The following CEP78 variants were observed in gnomAD, a reference collection of about 807,000 sequenced individuals.
CEP78 encodes centrosomal protein of 78 kDa.
Under a neutral mutation model 81.2 loss-of-function variants are expected in CEP78, and 76 were observed. That is an observed-to-expected ratio of 0.94 (90% confidence interval 0.78 to 1.13). CEP78 has a LOEUF of 1.13. CEP78 is among the 50% of genes most tolerant of loss of function. The pLI is 0.00. For synonymous variants in CEP78, 293 were observed against 301.4 expected (o/e 0.97, Z 0.29); for missense variants, 918 against 846.8 (o/e 1.08, Z -1.04).
At chr9:78,269,609 A>G (rs1041727337) in intron 16 of CEP78, among the ~76,000 whole-genome samples, 2 of 152,206 alleles carry the variant, frequency 1.3e-5, no homozygotes, top group East Asian at 1.9e-4. Flanking sequence ...ATGGCAGAGA[A>G]TAAGTGTCCA....
At position 78,236,445 on chromosome 9, in the gene CEP78, C is replaced by T. The variant is rs2118044000; in HGVS notation, c.95C>T (p.Pro32Leu). 1 of 1,603,690 alleles carries T rather than the reference C, an allele frequency of 6.2e-7. No individual in the cohort carries two copies. The highest frequency in any genetic ancestry group is 8.5e-7 in the Non-Finnish European group (1 of 1,175,422). Reference sequence around the variant, plus strand: ...GCGCTGCAGAACTCGGTGCCGCTGCCCGCCGTGCGCGCCTGTCTCCGGGAG... The same window carrying T: ...GCGCTGCAGAACTCGGTGCCGCTGCTCGCCGTGCGCGCCTGTCTCCGGGAG... ...LCALQNSVPL[P>L]AVRACLREGV... The change falls in exon 1 of 17, where the codon CCC becomes CTC. Residue 32 changes from proline to leucine, a missense_variant. By Grantham distance (98) the Pro-to-Leu change is moderately conservative. Coordinates refer to ENST00000643273, the MANE Select transcript of CEP78 (RefSeq NM_001330691.3).
chr9:78,247,607 T>G (rs1826555401), intron 6 of CEP78, among the ~76,000 whole-genome samples: 2 of 152,238 alleles, frequency 1.3e-5, no homozygotes, highest in South Asian at 4.2e-4. Flanking sequence ...GGGAGGATTT[T>G]GAGCTGGTAA....
At position 78,236,598 on chromosome 9, in the gene CEP78, A is replaced by T. The variant is rs761036809; in HGVS notation, c.248A>T (p.Asp83Val). The stretch of plus-strand genomic sequence containing the variant: ...AGCTTCTTCCAGCCCTGGCTGGGGG[A>T]CACAGGTTTGTAGTTCCCGCCTCCA... ...IKSFFQPWLG[D>V]TGSDMNKFCR... Residue 83 changes from aspartate (D) to valine (V), a missense_variant, in exon 1 of 17, where the codon GAC (aspartate) becomes GTC (valine). Asp to Val is a radical substitution (Grantham distance 152). Transcript: ENST00000643273. 3 of 1,537,846 alleles carry T rather than the reference A, an allele frequency of 2.0e-6. No homozygotes were observed. Among genetic ancestry groups the T allele is most frequent in the Non-Finnish European group, 2.6e-6 (3 of 1,144,222 alleles).
At chr9:78,242,083 G>A (rs1826259544) in intron 4 of CEP78, among the ~76,000 whole-genome samples, 1 of 152,106 alleles carries the variant, frequency 6.6e-6, no homozygotes, top group Non-Finnish European at 1.5e-5. Context: ...CTTTATAGTG[G>A]TTATTACTAC....
chr9:78,279,678 G>C lies in CEP78; in HGVS notation c.*8827G>C, dbSNP rs560866116. The stretch of plus-strand genomic sequence containing the variant: ...TGTCACCAACTATAATAAAAGAACA[G>C]AACTATGTATCAGAGAGGCTGCAGG... On this transcript the variant is annotated 3_prime_UTR_variant, in exon 17 of 17. Transcript: ENST00000643273. 35 of 152,308 alleles carry C rather than the reference G, an allele frequency of 2.3e-4. No individual in the cohort carries two copies. The highest frequency in any genetic ancestry group is 8.2e-4 in the African/African-American group (34 of 41,564). 9.4% of individuals were successfully genotyped at this position (152,308 alleles called of 1,614,324 possible). A position where few individuals can be genotyped will look rare whatever the true frequency, so the allele number is the denominator to read the frequency against.
Position 78,266,546 on chromosome 9 carries a change from A to G in CEP78, c.1950A>G (p.Gly650=), listed in dbSNP as rs773266031. 1.7e-5 allele frequency: 27 copies of G among 1,613,810 alleles called. No homozygotes were observed. The highest frequency in any genetic ancestry group is 2.1e-5 in the Non-Finnish European group (25 of 1,179,884). ...EGLGTSSNNL[G]VPATEQRQES... The stretch of plus-strand genomic sequence containing the variant: ...TAGGAACTTCCAGCAACAACCTAGG[A>G]GTCCCAGCTACTGAGCAGCGGCAGG... The change falls in exon 16 of 17, where the codon GGA becomes GGG. Residue 650 remains glycine, a synonymous_variant. Coordinates refer to ENST00000643273, the MANE Select transcript of CEP78 (RefSeq NM_001330691.3).
intron 11 of CEP78, among the ~76,000 whole-genome samples, chr9:78,257,788 A>G (rs1827107664): frequency 1.3e-5 from 2 of 152,230 alleles, no homozygotes; most frequent in South Asian, 4.1e-4. Flanking sequence ...GTGACCACCT[A>G]TCTAATTTGT....
intron 15 of CEP78, 80 bp from the exon 16 acceptor site, chr9:78,266,362 A>G: frequency 9.5e-7 from 1 of 1,047,478 alleles, no homozygotes; most frequent in Non-Finnish European, 1.4e-6. Context: ...AGATCACAGA[A>G]TAACATTGAC....
chr9:78,239,423 T>C (rs1055915001), intron 1 of CEP78, among the ~76,000 whole-genome samples: 8 of 152,230 alleles, frequency 5.3e-5, no homozygotes, highest in African/African-American at 1.9e-4. Context: ...AAATCTCAGC[T>C]GTGTTCTGTT....
At position 78,276,680 on chromosome 9, in the gene CEP78, G is replaced by A. The variant is rs1276980793; in HGVS notation, c.*5829G>A. Reference sequence around the variant, plus strand: ...ATAGACTCTCATCCACAATAGCTGCGAGAAGTAAATATTATCTAGAAATAA... The same window carrying A: ...ATAGACTCTCATCCACAATAGCTGCAAGAAGTAAATATTATCTAGAAATAA... On this transcript the variant is annotated 3_prime_UTR_variant, in exon 17 of 17. Coordinates refer to ENST00000643273, the MANE Select transcript of CEP78 (RefSeq NM_001330691.3). 1 of 151,936 alleles carries A rather than the reference G, an allele frequency of 6.6e-6. No homozygotes were observed. Among genetic ancestry groups the A allele is most frequent in the Admixed American group, 6.6e-5 (1 of 15,246 alleles). The allele number at this position is 151,936 out of a possible 1,614,324, so 9.4% of individuals were successfully genotyped here. A position where few individuals can be genotyped will look rare whatever the true frequency, so the allele number is the denominator to read the frequency against.
At chr9:78,265,342 GCCTTTT>G (rs755077016) in intron 13 of CEP78, 24 bp from the exon 14 acceptor site, 3 of 1,543,714 alleles carry the variant, frequency 1.9e-6, no homozygotes, top group Middle Eastern at 3.5e-4. Flanking sequence ...AGTAATCCTT[GCCTTTT>G]CCTCCTTTTC....
At chr9:78,246,427 G>C (rs902959478) in intron 5 of CEP78, among the ~76,000 whole-genome samples, 60 of 152,118 alleles carry the variant, frequency 3.9e-4, no homozygotes, top group African/African-American at 1.4e-3. Context: ...GTGAAACCCT[G>C]TCTCTACTAA....
At chr9:78,238,422 G>A (rs1278344390) in intron 1 of CEP78, among the ~76,000 whole-genome samples, 1 of 152,142 alleles carries the variant, frequency 6.6e-6, no homozygotes, top group Non-Finnish European at 1.5e-5. Context: ...GGTATTTGAA[G>A]GCATGGGAGG....
At chr9:78,266,122 C>A (rs1384854771) in intron 15 of CEP78, among the ~76,000 whole-genome samples, 2 of 151,910 alleles carry the variant, frequency 1.3e-5, no homozygotes, top group Non-Finnish European at 2.9e-5. Flanking sequence ...AAAACTCAGT[C>A]TACTTATAAA....
intron 5 of CEP78, among the ~76,000 whole-genome samples, 183 bp downstream of exon 5, chr9:78,243,819 C>CAA (rs35270879): frequency 3.4e-4 from 48 of 142,448 alleles, no homozygotes; most frequent in Non-Finnish European, 5.1e-4. Context: ...TACCAAGTAA[C>CAA]AAAAAAAAAA....
At position 78,248,791 on chromosome 9, in the gene CEP78, G is replaced by C. The variant is rs559801573; in HGVS notation, c.987G>C (p.Lys329Asn). 2.5e-6 allele frequency: 4 copies of C among 1,593,636 alleles called. No homozygotes were observed. The African/African-American group carries it at 5.4e-5, about 21-fold the overall frequency. Residue 329 changes from lysine (K) to asparagine (N), a missense_variant, in exon 8 of 17, where the codon AAG (lysine) becomes AAC (asparagine). Physicochemically the swap from Lys to Asn is moderately conservative, Grantham distance 94. Coordinates refer to ENST00000643273, the MANE Select transcript of CEP78 (RefSeq NM_001330691.3). ...EYQWITSPSV[K>N]EPSKTAKQKR... ...AGTGGATAACTTCTCCATCAGTGAA[G>C]GAACCATCCAAAACTGCTAAACAGA... is the stretch of plus-strand genomic sequence containing the variant.
intron 13 of CEP78, among the ~76,000 whole-genome samples, chr9:78,265,045 G>A (rs1017968090): frequency 6.6e-6 from 1 of 152,060 alleles, no homozygotes; most frequent in African/African-American, 2.4e-5. Flanking sequence ...AAGGTGAGAG[G>A]CAGTAGGTGT....
intron 1 of CEP78, among the ~76,000 whole-genome samples, chr9:78,239,016 A>T (rs1310873172): frequency 2.0e-5 from 3 of 151,976 alleles, no homozygotes; most frequent in Admixed American, 6.6e-5. Flanking sequence ...AAAATAAAAA[A>T]ACCAGGAACC....
intron 1 of CEP78, among the ~76,000 whole-genome samples, chr9:78,238,789 T>G (rs1226357495): frequency 1.3e-5 from 2 of 152,110 alleles, no homozygotes; most frequent in Non-Finnish European, 2.9e-5. Context: ...GTGCGGTGGC[T>G]CACACTGGTA....
Sources: gnomAD v4.1 joint callset for allele counts (sites outside exome capture counted in the v4.1 genomes callset) on GRCh38, gnomAD v4.1.1 for gene constraint, MANE v1.5 for transcripts, NCBI Gene and HGNC (gene_info 2026-07-23, HGNC 2026-07-21) for gene names.